SRRM1: variants seen among roughly 807,000 people sequenced by gnomAD.
The protein encoded by SRRM1 is serine/arginine repetitive matrix protein 1.
In SRRM1, 19 loss-of-function variants were observed where a neutral mutation model predicts 110.2. The ratio of observed to expected loss-of-function variants is 0.17; its 90% confidence interval spans 0.12 to 0.25. The LOEUF is 0.25. Ranked by LOEUF, SRRM1 falls within the 10% of genes least tolerant of loss-of-function variation. The probability of loss-of-function intolerance (pLI) is 1.00; values close to 1 mark genes in which losing one functional copy is unlikely to be tolerated. For synonymous variants in SRRM1, 443 were observed against 414.9 expected, an observed-to-expected ratio of 1.07 and a Z score of -0.82; for missense variants, 918 against 1,145.8, an observed-to-expected ratio of 0.80 and a Z score of 2.87.
Position 24,652,685 on chromosome 1 carries a change from G to A in SRRM1, c.920+57G>A, listed in dbSNP as rs1242650166. ...TTAGGTTTTATATACTACTCTACTGGGTACAATTAGATAAATAATTTCAAA... is the reference window on the plus strand; with the variant it reads ...TTAGGTTTTATATACTACTCTACTGAGTACAATTAGATAAATAATTTCAAA... On this transcript the variant is annotated intron_variant, in intron 7 of 16. Transcript: ENST00000323848. 12 of 1,443,782 alleles carry A rather than the reference G, an allele frequency of 8.3e-6. No homozygotes were observed. In the East Asian group the frequency reaches 1.4e-4, roughly 17 times the overall value. The allele number at this position is 1,443,782 out of a possible 1,614,324, so 89.4% of individuals were successfully genotyped here. A position where few individuals can be genotyped will look rare whatever the true frequency, so the allele number is the denominator to read the frequency against.
Position 24,654,955 on chromosome 1 carries a change from C to A in SRRM1, c.1141C>A (p.Pro381Thr), listed in dbSNP as rs1378053352. 6.2e-7 allele frequency: 1 copy of A among 1,614,186 alleles called. No homozygotes were observed. Among genetic ancestry groups the A allele is most frequent in the Admixed American group, 1.7e-5 (1 of 60,024 alleles). Residue 381 changes from proline to threonine, a missense_variant, in exon 9 of 17, where the codon CCC (proline) becomes ACC (threonine). Transcript: ENST00000323848. ...PKKPPKRTSS[P>T]PRKTRRLSPS... ...GAAGCCTCCCAAGAGGACATCCAGCCCCCCTCGGAAAACTCGTAGGTTATC... is the reference window on the plus strand; with the variant it reads ...GAAGCCTCCCAAGAGGACATCCAGCACCCCTCGGAAAACTCGTAGGTTATC...
At chr1:24,658,460 A>C (rs1557699675) in intron 9 of SRRM1, among the ~76,000 whole-genome samples, 1 of 152,178 alleles carries the variant, frequency 6.6e-6, no homozygotes, top group Non-Finnish European at 1.5e-5. Flanking sequence ...GTGTATTTCC[A>C]CTGGGGGAGA....
rs189843262 is a variant in SRRM1, at chr1:24,669,475, C to G, written c.2092C>G (p.Pro698Ala). The G allele has an allele frequency of 6.2e-7, 1 of 1,613,444 alleles. No homozygotes were observed. The highest frequency in any genetic ancestry group is 2.2e-5 in the East Asian group (1 of 44,862). ...PRAPQTSSSP[P>A]PVRRGASSSP... ...AGCTCCTCAGACCTCCTCAAGTCCT[C>G]CACCCGTTCGAAGAGGAGCGTCGTC... Residue 698 changes from proline (P) to alanine (A), a missense_variant, in exon 14 of 17, where the codon CCA becomes GCA. This residue lies in a region of SRRM1 where 357 missense variants were observed against 402.9 expected (regional missense o/e 0.89). Transcript: ENST00000323848.
chr1:24,646,137 G>A, intron 2 of SRRM1, 64 bp downstream of exon 2: 3 of 1,332,066 alleles, frequency 2.3e-6, no homozygotes, highest in South Asian at 2.4e-5. Context: ...AAGTTCTGGG[G>A]TTGTTTTGGA....
chr1:24,658,018 A>G (rs1665152949), intron 9 of SRRM1, among the ~76,000 whole-genome samples: 1 of 152,140 alleles, frequency 6.6e-6, no homozygotes. Context: ...GCCTTCTACG[A>G]TTTCTGACTT....
At chr1:24,653,989 G>A (rs541757929) in intron 8 of SRRM1, among the ~76,000 whole-genome samples, 89 of 152,274 alleles carry the variant, frequency 5.8e-4, no homozygotes, top group Non-Finnish European at 1.1e-3. Context: ...TTGGGGAGGG[G>A]TTGTTAAGAT....
chr1:24,643,510 G>C, intron 1 of SRRM1, 163 bp downstream of exon 1: 2 of 584,168 alleles, frequency 3.4e-6, no homozygotes, highest in Non-Finnish European at 5.5e-6. Flanking sequence ...CGCTGCGGCG[G>C]AGACCGGTGC....
chr1:24,645,132 A>G (rs563694197), intron 1 of SRRM1, among the ~76,000 whole-genome samples: 1 of 152,336 alleles, frequency 6.6e-6, no homozygotes, highest in East Asian at 1.9e-4. Context: ...GTATGTACAC[A>G]GCAACCCTGC....
intron 9 of SRRM1, among the ~76,000 whole-genome samples, chr1:24,657,001 C>A (rs1272515708): frequency 1.3e-5 from 2 of 152,130 alleles, no homozygotes; most frequent in African/African-American, 4.8e-5. Flanking sequence ...CAAAGAGAGG[C>A]ACTACAGGCA....
chr1:24,671,261 C>T (rs1256681717), intron 15 of SRRM1, 125 bp from the exon 16 acceptor site: 2 of 1,077,544 alleles, frequency 1.9e-6, no homozygotes, highest in Admixed American at 4.6e-5. Flanking sequence ...CACTCACACC[C>T]TCCAAAGCCT....
rs776543273 is a variant in SRRM1, at chr1:24,662,795, C to T, written c.1619C>T (p.Thr540Ile). The change falls in exon 12 of 17, where the codon ACT (threonine) becomes ATT (isoleucine). Residue 540 changes from threonine (T) to isoleucine (I), a missense_variant. Physicochemically the swap from Thr to Ile is moderately conservative, Grantham distance 89 (BLOSUM62 -1). Transcript: ENST00000323848. ...TCACCACGAAAGCGCCAAAAAGAGA[C>T]TTCCCCTCGGTAACATCTTTGCTTC... Reference protein sequence around the residue: ...SPSPRKRQKETSPRGRRRRSP... With the variant: ...SPSPRKRQKEISPRGRRRRSP... 5.0e-6 allele frequency: 8 copies of T among 1,614,030 alleles called. No individual in the cohort carries two copies. The Middle Eastern group carries it at 6.6e-4, about 133-fold the overall frequency.
chr1:24,669,575 A>C lies in SRRM1; in HGVS notation c.2192A>C (p.Lys731Thr). ...IRRVSRTPEP[K>T]KIKKAASPSP... ...AGAGTCTCCAGGACTCCGGAACCTA[A>C]AAAGATAAAAAAGTAAAAATATTTT... The change falls in exon 14 of 17, where the codon AAA (lysine) becomes ACA (threonine). Residue 731 changes from lysine to threonine, a missense_variant. This residue lies in a region of SRRM1 where 357 missense variants were observed against 402.9 expected (regional missense o/e 0.89). Transcript: ENST00000323848. The C allele has an allele frequency of 9.0e-6, 14 of 1,553,438 alleles. No individual in the cohort carries two copies. Among genetic ancestry groups the C allele is most frequent in the Non-Finnish European group, 1.2e-5 (14 of 1,146,394 alleles).
In SRRM1 at chr1:24,667,609, A is replaced by G. The variant is rs138690777; in HGVS notation, c.1739+684A>G. 4.8e-3 allele frequency among the ~76,000 whole-genome samples: 731 copies of G among 152,350 alleles called. 3 individuals carry two copies. Among genetic ancestry groups the G allele is most frequent in the African/African-American group, 0.016 (652 of 41,572 alleles). On this transcript the variant is annotated intron_variant, in intron 13 of 16. Transcript: ENST00000323848. ...TTACAGAATACCTGACCAGTATTCA[A>G]AAGTGTCAGTCATGAAAGACAATGA...
Position 24,654,846 on chromosome 1 carries a change from A to G in SRRM1, c.1041-9A>G. 6.2e-7 allele frequency: 1 copy of G among 1,613,976 alleles called. No individual in the cohort carries two copies. Among genetic ancestry groups the G allele is most frequent in the Non-Finnish European group, 8.5e-7 (1 of 1,179,842 alleles). On this transcript the variant is annotated splice_polypyrimidine_tract_variant and intron_variant, in intron 8 of 16. Coordinates refer to ENST00000323848, the MANE Select transcript of SRRM1 (RefSeq NM_005839.4). Reference sequence around the variant, plus strand: ...TGCAATTAGTGAATATGAATACTTTATTCCACAGAAGAAGACGTTCGTCAG... The same window carrying G: ...TGCAATTAGTGAATATGAATACTTTGTTCCACAGAAGAAGACGTTCGTCAG...
chr1:24,655,284 C>G (rs1663395919), intron 9 of SRRM1, among the ~76,000 whole-genome samples, 155 bp downstream of exon 9: 1 of 152,148 alleles, frequency 6.6e-6, no homozygotes, highest in Non-Finnish European at 1.5e-5. Context: ...TACCTCTTTC[C>G]TGCTTTAAAA....
At position 24,652,971 on chromosome 1, in the gene SRRM1, A is replaced by C. The variant is rs753128325; in HGVS notation, c.979A>C (p.Thr327Pro). The change falls in exon 8 of 17, where the codon ACT (threonine) becomes CCT (proline). Residue 327 changes from threonine to proline, a missense_variant. Thr to Pro is a conservative substitution (Grantham distance 38). Transcript: ENST00000323848. ...AAGGCGGCCATCTCCTCGAAGAAGA[A>C]CTCCGCCAAGAAGAATGCCTCCTCC... ...PRRRPSPRRR[T>P]PPRRMPPPPR... 1 of 1,613,866 alleles carries C rather than the reference A, an allele frequency of 6.2e-7. No individual in the cohort carries two copies. The highest frequency in any genetic ancestry group is 1.3e-5 in the African/African-American group (1 of 74,896).
At chr1:24,654,069 T>C (rs1315529723) in intron 8 of SRRM1, among the ~76,000 whole-genome samples, 6 of 152,184 alleles carry the variant, frequency 3.9e-5, no homozygotes, top group African/African-American at 1.4e-4. Context: ...GTGAGGTAAA[T>C]GGTCAGTCAA....
chr1:24,659,484 G>C (rs1176399383), intron 9 of SRRM1, among the ~76,000 whole-genome samples: 1 of 152,156 alleles, frequency 6.6e-6, no homozygotes, highest in East Asian at 1.9e-4. Context: ...TTCTTATTGG[G>C]ATGTTCTCAA....
intron 12 of SRRM1, among the ~76,000 whole-genome samples, chr1:24,663,514 ATTTT>A (rs1668295405): frequency 6.6e-6 from 1 of 152,168 alleles, no homozygotes; most frequent in Non-Finnish European, 1.5e-5. Context: ...CAGCACGCAG[ATTTT>A]TAACAGTATC....
Sources: gnomAD v4.1 joint callset for allele counts (sites outside exome capture counted in the v4.1 genomes callset) on GRCh38, gnomAD v4.1.1 for gene constraint, gnomAD v4.1.1 regional missense constraint, MANE v1.5 for transcripts, NCBI Gene and HGNC (gene_info 2026-07-23, HGNC 2026-07-21) for gene names.